The following NDUFB5 variants were observed in gnomAD, a reference collection of about 807,000 sequenced individuals.
NDUFB5 encodes the protein NADH:ubiquinone oxidoreductase subunit B5, also known as NADH dehydrogenase [ubiquinone] 1 beta subcomplex subunit 5, mitochondrial.
NDUFB5 carries 19 observed loss-of-function variants against 19.4 expected under a neutral mutation model. The ratio of observed to expected loss-of-function variants is 0.98; its 90% CI spans 0.68 to 1.43. The LOEUF is 1.43. NDUFB5 is among the 40% of genes most tolerant of loss of function. NDUFB5 has a pLI of 0.00. For synonymous variants in NDUFB5, 80 were observed against 82.6 expected (o/e 0.97, Z 0.17); for missense variants, 233 against 236.5 (o/e 0.99, Z 0.10).
At chr3:179,612,390 C>G (rs1319203385) in intron 1 of NDUFB5, among the ~76,000 whole-genome samples, 1 of 150,372 alleles carries the variant, frequency 6.7e-6, no homozygotes, top group African/African-American at 2.4e-5. Context: ...TATCTAGGAC[C>G]TTTAATGACA....
At position 179,625,820 on chromosome 3, in the gene NDUFB5, A is replaced by G. The variant is rs1034224850; in HGVS notation, c.*1780A>G. 2.0e-5 allele frequency: 3 copies of G among 152,152 alleles called. No individual in the cohort carries two copies. Among genetic ancestry groups the G allele is most frequent in the Non-Finnish European group, 4.4e-5 (3 of 68,034 alleles). The allele number at this position is 152,152 out of a possible 1,614,324, so 9.4% of individuals were successfully genotyped here. A position where few individuals can be genotyped will look rare whatever the true frequency, so the allele number is the denominator to read the frequency against. ...ATATTTGTCTTTCTAGGCTTGGCTT[A>G]TTTCACTTACATTAATGACCTCCAG... On this transcript the variant is annotated 3_prime_UTR_variant, in exon 6 of 6. Transcript: ENST00000259037.
intron 5 of NDUFB5, among the ~76,000 whole-genome samples, chr3:179,623,067 G>A (rs55875831): frequency 6.6e-6 from 1 of 152,134 alleles, no homozygotes; most frequent in Non-Finnish European, 1.5e-5. Flanking sequence ...TATTGACTGA[G>A]TATCTGATGT....
chr3:179,613,339 A>C (rs1285669378), intron 1 of NDUFB5, among the ~76,000 whole-genome samples: 8 of 150,596 alleles, frequency 5.3e-5, no homozygotes, highest in Admixed American at 5.3e-4. Flanking sequence ...CCTCTTCCCA[A>C]CCCCCCCATC....
intron 1 of NDUFB5, among the ~76,000 whole-genome samples, chr3:179,611,365 C>T (rs1036726558): frequency 6.6e-6 from 1 of 151,282 alleles, no homozygotes; most frequent in Non-Finnish European, 1.5e-5. Flanking sequence ...ATGGTGGTGC[C>T]CTTTACTGGG....
rs1719700407 is a variant in NDUFB5 at position 179,627,541 on chromosome 3, A to G, written c.*3501A>G. The G allele has an allele frequency of 6.6e-6, 1 of 152,084 alleles. No individual in the cohort carries two copies. The highest frequency in any genetic ancestry group is 6.6e-5 in the Admixed American group (1 of 15,256). 9.4% of individuals were successfully genotyped at this position (152,084 alleles called of 1,614,324 possible). On this transcript the variant is annotated 3_prime_UTR_variant, in exon 6 of 6. Transcript: ENST00000259037. ...CCCTGCACAGATCTCCCCCTGCCCC[A>G]CGAAATGCTTAAAAGCTAACTTAAC...
In NDUFB5 at chr3:179,624,109, T is replaced by G; in HGVS notation, c.*69T>G. ...AATAAATTAATAAATATATTCTGTA[T>G]TTTTGCTCTCCGTGAAAAACAAAAG... is the stretch of plus-strand genomic sequence containing the variant. On this transcript the variant is annotated 3_prime_UTR_variant, in exon 6 of 6. Coordinates refer to ENST00000259037, the MANE Select transcript of NDUFB5 (RefSeq NM_002492.4). 1 of 1,404,086 alleles carries G rather than the reference T, an allele frequency of 7.1e-7. No homozygotes were observed. Among genetic ancestry groups the G allele is most frequent in the Non-Finnish European group, 9.6e-7 (1 of 1,040,754 alleles). 87.0% of individuals were successfully genotyped at this position (1,404,086 alleles called of 1,614,324 possible). A position where few individuals can be genotyped will look rare whatever the true frequency, so the allele number is the denominator to read the frequency against.
intron 5 of NDUFB5, 41 bp from the exon 6 acceptor site, chr3:179,623,879 G>C (rs1719597361): frequency 6.2e-7 from 1 of 1,610,158 alleles, no homozygotes; most frequent in African/African-American, 1.3e-5. Context: ...TTTATAATTG[G>C]AAGTGCTGGA....
intron 1 of NDUFB5, among the ~76,000 whole-genome samples, chr3:179,608,132 C>A (rs1719151156): frequency 6.6e-6 from 1 of 151,946 alleles, no homozygotes. Flanking sequence ...GCTGCTATTT[C>A]TTGCCATCCA....
chr3:179,620,372 G>T (rs1210556523), intron 5 of NDUFB5, among the ~76,000 whole-genome samples: 3 of 151,820 alleles, frequency 2.0e-5, no homozygotes, highest in African/African-American at 7.2e-5. Context: ...ATTAATTTTT[G>T]TATAAGGTGT....
At chr3:179,609,582 C>T (rs1354104014) in intron 1 of NDUFB5, among the ~76,000 whole-genome samples, 1 of 152,204 alleles carries the variant, frequency 6.6e-6, no homozygotes, top group East Asian at 1.9e-4. Flanking sequence ...TTGCTTTCCT[C>T]CACCTGGGGC....
At chr3:179,612,515 G>T (rs1165954220) in intron 1 of NDUFB5, among the ~76,000 whole-genome samples, 9 of 126,354 alleles carry the variant, frequency 7.1e-5, no homozygotes, top group Middle Eastern at 4.6e-3. Context: ...TCTCACTCTC[G>T]CCCAGGTTGG....
At chr3:179,613,859 C>G (rs1316271946) in intron 1 of NDUFB5, among the ~76,000 whole-genome samples, 1 of 151,984 alleles carries the variant, frequency 6.6e-6, no homozygotes, top group East Asian at 1.9e-4. Flanking sequence ...TACAGTAATT[C>G]AACAGTAGGA....
intron 1 of NDUFB5, chr3:179,607,922 G>A (rs991739822): frequency 4.9e-5 from 32 of 650,840 alleles, no homozygotes; most frequent in African/African-American, 2.0e-4. Context: ...TGAATTGTCC[G>A]TTGTCCATTG....
chr3:179,614,877 A>T, intron 1 of NDUFB5, 94 bp from the exon 2 acceptor site: 3 of 893,730 alleles, frequency 3.4e-6, no homozygotes, highest in South Asian at 4.1e-5. Flanking sequence ...CTACAAAAGG[A>T]TCCTTGTATT....
At chr3:179,609,040 A>G (rs1397452853) in intron 1 of NDUFB5, among the ~76,000 whole-genome samples, 3 of 152,210 alleles carry the variant, frequency 2.0e-5, no homozygotes, top group Non-Finnish European at 4.4e-5. Flanking sequence ...GACCGTCAGA[A>G]CCTATAATAA....
rs1208464562 is a variant in NDUFB5, at chr3:179,604,863, A to G, written c.48A>G (p.Ala16=). 3 of 1,600,932 alleles carry G rather than the reference A, an allele frequency of 1.9e-6. No homozygotes were observed. Among genetic ancestry groups the G allele is most frequent in the Non-Finnish European group, 2.5e-6 (3 of 1,176,734 alleles). Residue 16 remains alanine, a synonymous_variant, in exon 1 of 6, where the codon GCA becomes GCG. Coordinates refer to ENST00000259037, the MANE Select transcript of NDUFB5 (RefSeq NM_002492.4). The stretch of plus-strand genomic sequence containing the variant: ...GGCGGGTTTCGGTTACTGCGGTGGC[A>G]GCTCTGTCTGGCCGGCCCCTTGGCA... ...LLRRVSVTAV[A]ALSGRPLGTR... is the part of the protein sequence containing the mutation.
intron 1 of NDUFB5, 87 bp downstream of exon 1, chr3:179,605,026 C>T: frequency 4.2e-6 from 6 of 1,423,136 alleles, no homozygotes; most frequent in Non-Finnish European, 5.5e-6. Flanking sequence ...TGGTGGGATC[C>T]GGAGGGAGCC....
intron 1 of NDUFB5, among the ~76,000 whole-genome samples, chr3:179,610,360 T>C (rs546748421): frequency 7.9e-4 from 120 of 152,224 alleles, no homozygotes; most frequent in Non-Finnish European, 1.5e-3. Context: ...CCCAAAGTGC[T>C]GGGATTACAG....
At chr3:179,615,879 A>G in intron 2 of NDUFB5, 104 bp from the exon 3 acceptor site, 2 of 945,316 alleles carry the variant, frequency 2.1e-6, no homozygotes, top group Admixed American at 4.8e-5. Context: ...CCAATTTGGC[A>G]AGTTTATTTT....
Sources: allele counts gnomAD v4.1 joint callset (sites outside exome capture counted in the v4.1 genomes callset), GRCh38; gene constraint gnomAD v4.1.1; transcripts MANE v1.5; gene names NCBI Gene and HGNC (gene_info 2026-07-23, HGNC 2026-07-21).